Variants in CLN6 observed in about 807,000 individuals in gnomAD.
CLN6 encodes the protein ceroid-lipofuscinosis neuronal protein 6.
Under a neutral mutation model 33.3 loss-of-function variants are expected in CLN6, and 22 were observed. That is an observed-to-expected ratio of 0.66 (90% CI 0.47 to 0.94). The LOEUF is 0.94. Among genes scored for constraint, CLN6 ranks in the 40% least tolerant of loss-of-function variants. The probability of loss-of-function intolerance (pLI) is 0.00; values close to 1 mark genes in which losing one functional copy is unlikely to be tolerated. For synonymous variants in CLN6, 201 were observed against 174.6 expected (o/e 1.15, Z -1.19); for missense variants, 387 against 417.1 (o/e 0.93, Z 0.63).
intron 1 of CLN6, among the ~76,000 whole-genome samples, chr15:68,224,174 G>A (rs1023366582): frequency 6.8e-6 from 1 of 146,308 alleles, no homozygotes; most frequent in Non-Finnish European, 1.5e-5. Flanking sequence ...GCAGAAACAG[G>A]ATGATCACTT....
Position 68,208,196 on chromosome 15 carries a change from T to C in CLN6, c.880A>G (p.Ile294Val). The part of the protein sequence containing the change: ...PVLRKKYPGV[I>V]YVPEPWAFYT... ...AAAGCCCAGGGCTCAGGGACGTAGA[T>C]GACACCCGGGTACTTCTTCCTGAGA... The change falls in exon 7 of 7, where the codon ATC (isoleucine) becomes GTC (valine). Residue 294 changes from isoleucine (I) to valine (V), a missense_variant. Coordinates refer to ENST00000249806, the MANE Select transcript of CLN6 (RefSeq NM_017882.3). The surrounding 1 kb of genome is among the most constrained non-coding windows in gnomAD (Gnocchi z 5.8). The C allele has an allele frequency of 6.2e-7, 1 of 1,611,750 alleles. No homozygotes were observed. The highest frequency in any genetic ancestry group is 8.5e-7 in the Non-Finnish European group (1 of 1,179,390).
rs185662708 is a variant in CLN6 at position 68,241,380 on chromosome 15, G to T, written c.179+15310C>A. 6.6e-6 allele frequency among the ~76,000 whole-genome samples: 1 copy of T among 152,260 alleles called. No individual in the cohort carries two copies. The highest frequency in any genetic ancestry group is 1.5e-5 in the Non-Finnish European group (1 of 68,032). ...TGAAAAAGCTCTGAGCAGTCAGTAA[G>T]ATAAATGGATTTCTACATCCATGAC... On this transcript the variant is annotated intron_variant, in intron 1 of 6. Coordinates refer to the CLN6 transcript ENST00000538696. The surrounding 1 kb of genome is among the most constrained non-coding windows in gnomAD (Gnocchi z 4.2).
intron 1 of CLN6, among the ~76,000 whole-genome samples, chr15:68,223,985 G>A (rs983470931): frequency 2.0e-5 from 3 of 151,982 alleles, no homozygotes; most frequent in Admixed American, 6.6e-5. Context: ...GGCGGAGGTT[G>A]CAGTGAGCCA....
Position 68,211,195 on chromosome 15 carries a change from C to A in CLN6, c.542+68G>T. 1 of 1,335,544 alleles carries A rather than the reference C, an allele frequency of 7.5e-7. No homozygotes were observed. The highest frequency in any genetic ancestry group is 1.4e-5 in the African/African-American group (1 of 69,432). 82.7% of individuals were successfully genotyped at this position (1,335,544 alleles called of 1,614,324 possible). ...CCCAGACAGCCTTGCTCAGTGTGTCCCTGAGCCAGTGACAGGGCTAGCCGG... is the reference window on the plus strand; with the variant it reads ...CCCAGACAGCCTTGCTCAGTGTGTCACTGAGCCAGTGACAGGGCTAGCCGG... On this transcript the variant is annotated intron_variant, in intron 5 of 6. Transcript: ENST00000249806. The surrounding 1 kb of genome is among the most constrained non-coding windows in gnomAD (Gnocchi z 5.9).
chr15:68,256,977 T>C lies in CLN6; in HGVS notation c.-109A>G. On this transcript the variant is annotated 5_prime_UTR_variant, in exon 1 of 7. Transcript: ENST00000538696. The surrounding 1 kb of genome is among the most constrained non-coding windows in gnomAD (Gnocchi z 4.1). ...ATGGTCACGCATCCCTTCCCTGGGC[T>C]TCTCCGGCACACCTGTATCTAGGGA... is the stretch of plus-strand genomic sequence containing the variant. The C allele has an allele frequency of 1.7e-6, 1 of 583,484 alleles. No homozygotes were observed. The highest frequency in any genetic ancestry group is 3.1e-6 in the Non-Finnish European group (1 of 325,764). 36.1% of individuals were successfully genotyped at this position (583,484 alleles called of 1,614,324 possible). A position where few individuals can be genotyped will look rare whatever the true frequency, so the allele number is the denominator to read the frequency against.
Position 68,220,532 on chromosome 15 carries a change from G to T in CLN6, c.84-1882C>A, listed in dbSNP as rs1001280072. On this transcript the variant is annotated intron_variant, in intron 1 of 6. Transcript: ENST00000249806. This position sits in a 1 kb window ranked among gnomAD's most constrained non-coding sequence, Gnocchi z 4.2. ...AGAGCTCCTTCCTTTATAGTGCTGG[G>T]TTCTAAGGGTGCAAGCCCAGGACTG... Among the ~76,000 whole-genome samples, 1 of 152,230 alleles carries T rather than the reference G, an allele frequency of 6.6e-6. No individual in the cohort carries two copies. Among genetic ancestry groups the T allele is most frequent in the Non-Finnish European group, 1.5e-5 (1 of 68,048 alleles).
At chr15:68,221,325 G>A (rs1169256078) in intron 1 of CLN6, among the ~76,000 whole-genome samples, 4 of 149,378 alleles carry the variant, frequency 2.7e-5, no homozygotes, top group South Asian at 2.1e-4. Context: ...TCCCTGCCTC[G>A]GGCTCCCGTG....
chr15:68,225,636 G>A (rs2093249413), intron 1 of CLN6, among the ~76,000 whole-genome samples: 1 of 152,160 alleles, frequency 6.6e-6, no homozygotes, highest in Admixed American at 6.5e-5. Flanking sequence ...AAAGGCATGT[G>A]CTGTCACACA....
chr15:68,214,604 G>A lies in CLN6; in HGVS notation c.199-216C>T, dbSNP rs1257593173. The A allele has an allele frequency of 5.6e-6, 3 of 535,042 alleles. No individual in the cohort carries two copies. In the East Asian group the frequency reaches 1.0e-4, roughly 18 times the overall value. The allele number at this position is 535,042 out of a possible 1,614,324, so 33.1% of individuals were successfully genotyped here. On this transcript the variant is annotated intron_variant, in intron 2 of 6. Transcript: ENST00000249806. ...AAGCTGAGTCCCAGAGGAGGTAACG[G>A]ACTTGTCCCCAGACACAGAGCAGAT...
intron 1 of CLN6, 106 bp from the exon 2 acceptor site, chr15:68,218,756 G>A (rs2093227583): frequency 1.3e-6 from 1 of 787,002 alleles, no homozygotes; most frequent in Non-Finnish European, 2.2e-6. Flanking sequence ...GACAGGAGGA[G>A]ACACACATAA....
At chr15:68,234,651 G>A (rs1429536999), upstream of CLN6, among the ~76,000 whole-genome samples, 1 of 152,292 alleles carries the variant, frequency 6.6e-6, no homozygotes, top group Non-Finnish European at 1.5e-5. This position sits in a 1 kb window ranked among gnomAD's most constrained non-coding sequence, Gnocchi z 4.1. Flanking sequence ...GCTAGGAGAA[G>A]CTGAGAGGCT....
Position 68,219,137 on chromosome 15 carries a change from A to G in CLN6, c.84-487T>C, listed in dbSNP as rs1171408651. 6.6e-6 allele frequency among the ~76,000 whole-genome samples: 1 copy of G among 152,208 alleles called. No homozygotes were observed. The highest frequency in any genetic ancestry group is 1.5e-5 in the Non-Finnish European group (1 of 68,042). ...AGAAACGAAAAAACTGAGGCCCAAGAGGCTCAATAACTTGCTCAAGGTCAC... is the reference window on the plus strand; with the variant it reads ...AGAAACGAAAAAACTGAGGCCCAAGGGGCTCAATAACTTGCTCAAGGTCAC... On this transcript the variant is annotated intron_variant, in intron 1 of 6. Coordinates refer to ENST00000249806, the MANE Select transcript of CLN6 (RefSeq NM_017882.3). The surrounding 1 kb of genome is among the most constrained non-coding windows in gnomAD (Gnocchi z 4.2).
intron 1 of CLN6, among the ~76,000 whole-genome samples, chr15:68,222,817 T>C (rs905984022): frequency 2.0e-5 from 3 of 152,238 alleles, no homozygotes; most frequent in Non-Finnish European, 1.5e-5. Context: ...TGTTAGTCTA[T>C]AACCTTACCC....
chr15:68,226,467 C>T (rs1040634530), intron 1 of CLN6, among the ~76,000 whole-genome samples: 4 of 152,018 alleles, frequency 2.6e-5, no homozygotes, highest in Non-Finnish European at 5.9e-5. Flanking sequence ...AGATCCTATC[C>T]CTTTTTTTTC....
Position 68,246,778 on chromosome 15 carries a change from G to T in CLN6, c.179+9912C>A, listed in dbSNP as rs766125679. ...AAAATATAGAGAAAATCAATGAAAT[G>T]AAAATTGGTTTTTTGAAAAGATAAA... On this transcript the variant is annotated intron_variant, in intron 1 of 6. Transcript: ENST00000538696. The surrounding 1 kb of genome is among the most constrained non-coding windows in gnomAD (Gnocchi z 4.5). Among the ~76,000 whole-genome samples the T allele has an allele frequency of 3.9e-4, 59 of 152,056 alleles. No individual in the cohort carries two copies. Among genetic ancestry groups the T allele is most frequent in the Admixed American group, 1.8e-3 (27 of 15,268 alleles).
Position 68,211,906 on chromosome 15 carries a change from C to A in CLN6, c.298-43G>T. The A allele has an allele frequency of 6.3e-7, 1 of 1,597,906 alleles. No homozygotes were observed. The highest frequency in any genetic ancestry group is 1.1e-5 in the South Asian group (1 of 90,568). On this transcript the variant is annotated intron_variant, in intron 3 of 6. Transcript: ENST00000249806. The surrounding 1 kb of genome is among the most constrained non-coding windows in gnomAD (Gnocchi z 5.9). ...GTTGGCAGCATGACCCCACCTCTGTCACAGTATGTGACACCCTCTGCTTCC... is the reference window on the plus strand; with the variant it reads ...GTTGGCAGCATGACCCCACCTCTGTAACAGTATGTGACACCCTCTGCTTCC...
At chr15:68,257,152 G>A (rs959310072), upstream of CLN6, 3 of 316,464 alleles carry the variant, frequency 9.5e-6, no homozygotes, top group Admixed American at 5.0e-5. Flanking sequence ...GTGCCCAGGG[G>A]CTGGAGGCAG....
upstream of CLN6, among the ~76,000 whole-genome samples, chr15:68,231,971 G>A (rs2093269198): frequency 6.6e-6 from 1 of 152,152 alleles, no homozygotes; most frequent in Admixed American, 6.5e-5. Context: ...TCTTGTTTGT[G>A]ATTATCTGAG....
chr15:68,233,826 G>C (rs1461794383), upstream of CLN6, among the ~76,000 whole-genome samples: 1 of 152,202 alleles, frequency 6.6e-6, no homozygotes, highest in Admixed American at 6.5e-5. This position sits in a 1 kb window ranked among gnomAD's most constrained non-coding sequence, Gnocchi z 4.3. Flanking sequence ...GCTGCACAAG[G>C]ACAGACAGCA....
Sources: gnomAD v4.1 joint callset for allele counts (sites outside exome capture counted in the v4.1 genomes callset) on GRCh38, gnomAD v4.1.1 for gene constraint, Gnocchi (gnomAD v3.1) non-coding constraint, MANE v1.5 for transcripts, NCBI Gene and HGNC (gene_info 2026-07-23, HGNC 2026-07-21) for gene names.